Variants in CELF2 observed in about 807,000 individuals in gnomAD.
The protein encoded by CELF2 is CUG triplet repeat RNA-binding protein 2.
A neutral mutation model predicts 62.6 loss-of-function variants in CELF2; 8 were observed. The ratio of observed to expected loss-of-function variants is 0.13; its 90% CI spans 0.07 to 0.23. CELF2 has a LOEUF of 0.23. CELF2 is among the 10% of genes least tolerant of loss of function. The pLI is 1.00. For missense variants in CELF2, 333 were observed against 671.0 expected, an observed-to-expected ratio of 0.50 and a Z score of 5.56; for synonymous variants, 258 against 250.0, an observed-to-expected ratio of 1.03 and a Z score of -0.30.
chr10:10,761,040 T>C, the CELF2 span, among the ~76,000 whole-genome samples: 1 of 152,190 alleles, frequency 6.6e-6, no homozygotes, highest in African/African-American at 2.4e-5. Context: ...GATATGGTAT[T>C]GTCCCATAGA....
chr10:10,876,363 A>G (rs1436315158), intron 1 of CELF2, among the ~76,000 whole-genome samples: 1 of 152,162 alleles, frequency 6.6e-6, no homozygotes, highest in Non-Finnish European at 1.5e-5. Context: ...GTTTGGGTTA[A>G]CCTTAAGTTT....
intron 2 of CELF2, among the ~76,000 whole-genome samples, chr10:10,955,455 C>G (rs976818623): frequency 2.0e-5 from 3 of 152,230 alleles, no homozygotes; most frequent in African/African-American, 7.2e-5. Context: ...ATATGGTTAT[C>G]TCAGAGCTCC....
chr10:10,713,504 G>C, the CELF2 span, among the ~76,000 whole-genome samples: 2 of 152,202 alleles, frequency 1.3e-5, no homozygotes, highest in Non-Finnish European at 2.9e-5. Context: ...TCATGTGCCT[G>C]CCTACCTGCA....
intron 1 of CELF2, among the ~76,000 whole-genome samples, chr10:11,090,756 T>C (rs2048099989): frequency 6.6e-6 from 1 of 152,196 alleles, no homozygotes; most frequent in Non-Finnish European, 1.5e-5. Flanking sequence ...TCTCTAGCAC[T>C]GGGGTGGGAC....
chr10:10,668,192 G>A, the CELF2 span, among the ~76,000 whole-genome samples: 1 of 152,178 alleles, frequency 6.6e-6, no homozygotes, highest in African/African-American at 2.4e-5. Flanking sequence ...TATTTAAAAT[G>A]TACAATGCAG....
rs1056057159 is a variant in CELF2, at chr10:11,305,505, A to G, written c.977-8634A>G. On this transcript the variant is annotated intron_variant, in intron 9 of 12. Coordinates refer to ENST00000633077, the MANE Select transcript of CELF2 (RefSeq NM_001326342.2). The surrounding 1 kb of genome is among the most constrained non-coding windows in gnomAD (Gnocchi z 4.8). ...GCCTGGGAGGATCCCACCTGCAGTAAAATATCCGTCTGAAAGATGTCCTAT... is the reference window on the plus strand; with the variant it reads ...GCCTGGGAGGATCCCACCTGCAGTAGAATATCCGTCTGAAAGATGTCCTAT... Among the ~76,000 whole-genome samples the G allele has an allele frequency of 2.0e-5, 3 of 152,232 alleles. No homozygotes were observed. The highest frequency in any genetic ancestry group is 2.9e-5 in the Non-Finnish European group (2 of 68,044).
chr10:10,916,436 A>G lies in CELF2; in HGVS notation c.54-3528A>G, dbSNP rs1413529254. Among the ~76,000 whole-genome samples the G allele has an allele frequency of 2.6e-5, 4 of 152,324 alleles. No individual in the cohort carries two copies. The East Asian group carries it at 7.7e-4, about 29-fold the overall frequency. ...TTTTTAGCACATGAGCGTGTAAAGC[A>G]TAGTTTTCCCCGGCTGGGACTTAAT... On this transcript the variant is annotated intron_variant, in intron 1 of 13. Transcript: ENST00000636488.
the CELF2 span, among the ~76,000 whole-genome samples, chr10:10,757,780 A>G: frequency 6.6e-6 from 1 of 152,196 alleles, no homozygotes; most frequent in African/African-American, 2.4e-5. Flanking sequence ...CAATGTGGAG[A>G]GAGGGAGGAA....
the CELF2 span, among the ~76,000 whole-genome samples, chr10:10,558,299 T>C: frequency 1.3e-5 from 2 of 151,870 alleles, no homozygotes; most frequent in African/African-American, 4.8e-5. Flanking sequence ...TAATCATGTG[T>C]TTTTTGTCTT....
the CELF2 span, among the ~76,000 whole-genome samples, chr10:10,540,809 GCTGT>G: frequency 1.3e-5 from 2 of 152,090 alleles, no homozygotes; most frequent in African/African-American, 2.4e-5. Context: ...TATTGTGGCG[GCTGT>G]GTTCTCTACA....
the CELF2 span, among the ~76,000 whole-genome samples, chr10:10,758,915 A>T: frequency 6.6e-6 from 1 of 152,064 alleles, no homozygotes; most frequent in Non-Finnish European, 1.5e-5. Context: ...TTCTAACTTC[A>T]TTTGTCTTTT....
At chr10:10,663,616 G>T in the CELF2 span, among the ~76,000 whole-genome samples, 9 of 152,298 alleles carry the variant, frequency 5.9e-5, no homozygotes, top group East Asian at 1.4e-3. Context: ...AAAATTGTTT[G>T]TGGATGCTGG....
At chr10:10,869,643 A>G (rs756802031) in intron 1 of CELF2, among the ~76,000 whole-genome samples, 2 of 152,132 alleles carry the variant, frequency 1.3e-5, no homozygotes, top group Non-Finnish European at 2.9e-5. Context: ...CAACAACTAA[A>G]ACACAACATT....
intron 1 of CELF2, among the ~76,000 whole-genome samples, chr10:10,850,192 G>A (rs1591160977): frequency 1.3e-5 from 2 of 152,036 alleles, no homozygotes; most frequent in East Asian, 1.9e-4. Flanking sequence ...AGTAGCAAAG[G>A]AAGTTATTAA....
At chr10:10,793,297 C>A in the CELF2 span, among the ~76,000 whole-genome samples, 1 of 152,044 alleles carries the variant, frequency 6.6e-6, no homozygotes, top group African/African-American at 2.4e-5. Context: ...ATTCATTTAT[C>A]TAAAAAAGAG....
intron 1 of CELF2, among the ~76,000 whole-genome samples, chr10:10,845,200 T>C (rs17521210): frequency 0.014 from 2,081 of 152,168 alleles, 19 homozygotes; most frequent in Non-Finnish European, 0.022. Flanking sequence ...TCTGAGATGG[T>C]AGGCTTATTC....
intron 1 of CELF2, among the ~76,000 whole-genome samples, chr10:11,042,219 A>G (rs527414178): frequency 6.6e-6 from 1 of 152,344 alleles, no homozygotes; most frequent in South Asian, 2.1e-4. Flanking sequence ...ATTCGACAGT[A>G]GACAGTATAT....
At chr10:10,647,785 TA>T in the CELF2 span, among the ~76,000 whole-genome samples, 1 of 152,236 alleles carries the variant, frequency 6.6e-6, no homozygotes, top group Non-Finnish European at 1.5e-5. Flanking sequence ...TAAAATGTTT[TA>T]ATGGGCTTAC....
At chr10:10,575,485 T>C in the CELF2 span, among the ~76,000 whole-genome samples, 1 of 152,218 alleles carries the variant, frequency 6.6e-6, no homozygotes, top group Non-Finnish European at 1.5e-5. Flanking sequence ...AGGTTTTTCT[T>C]TTGTTGAGTG....
Sources: gnomAD v4.1 joint callset for allele counts (sites outside exome capture counted in the v4.1 genomes callset) on GRCh38, gnomAD v4.1.1 for gene constraint, Gnocchi (gnomAD v3.1) non-coding constraint, MANE v1.5 for transcripts, NCBI Gene and HGNC (gene_info 2026-07-23, HGNC 2026-07-21) for gene names.